Variants in TMEM74 observed in about 807,000 individuals in gnomAD.
The protein encoded by TMEM74 is transmembrane protein 74.
Under a neutral mutation model 18.1 loss-of-function variants are expected in TMEM74, and 13 were observed. The ratio of observed to expected loss-of-function variants is 0.72; its 90% CI spans 0.47 to 1.14. TMEM74 has a LOEUF of 1.14. Among genes scored for constraint, TMEM74 ranks in the 50% most tolerant of loss-of-function variants. The pLI is 0.00. For missense variants in TMEM74, 372 were observed against 375.9 expected, an observed-to-expected ratio of 0.99 and a Z score of 0.09; for synonymous variants, 159 against 146.6, an observed-to-expected ratio of 1.08 and a Z score of -0.61.
At chr8:108,758,485 G>A (rs1464902053) in intron 1 of TMEM74, among the ~76,000 whole-genome samples, 3 of 152,036 alleles carry the variant, frequency 2.0e-5, no homozygotes, top group South Asian at 2.1e-4. Flanking sequence ...GTGCAATCAC[G>A]TTAGTAATGG....
chr8:108,778,260 T>C (rs117040275), downstream of TMEM74, among the ~76,000 whole-genome samples: 265 of 152,326 alleles, frequency 1.7e-3, 2 homozygotes, highest in Admixed American at 5.6e-3. Flanking sequence ...AGTGGGACTA[T>C]ATGACTAGTC....
At chr8:108,724,259 CAT>C (rs1813612276) in intron 1 of TMEM74, among the ~76,000 whole-genome samples, 2 of 152,186 alleles carry the variant, frequency 1.3e-5, no homozygotes, top group African/African-American at 4.8e-5. Context: ...TCCCAAAACA[CAT>C]ATTCTATTCC....
At chr8:108,656,429 G>A (rs1213159246) in intron 1 of TMEM74, among the ~76,000 whole-genome samples, 1 of 152,054 alleles carries the variant, frequency 6.6e-6, no homozygotes, top group Non-Finnish European at 1.5e-5. Flanking sequence ...GATTCAAGAG[G>A]GAAAACCAGG....
chr8:108,658,670 CA>C (rs1300654501), intron 1 of TMEM74, among the ~76,000 whole-genome samples: 1 of 152,106 alleles, frequency 6.6e-6, no homozygotes, highest in Non-Finnish European at 1.5e-5. Context: ...GCTTTGCAGC[CA>C]AGCAAATGCC....
intron 2 of TMEM74, among the ~76,000 whole-genome samples, chr8:108,638,564 TA>T (rs34250538): frequency 0.029 from 3,952 of 137,972 alleles, 112 homozygotes; most frequent in African/African-American, 0.087. Flanking sequence ...TCTCTAGCAT[TA>T]AAAAAAAAAA....
intron 1 of TMEM74, among the ~76,000 whole-genome samples, chr8:108,741,000 C>T (rs1813794790): frequency 1.3e-5 from 2 of 151,978 alleles, no homozygotes; most frequent in African/African-American, 4.8e-5. Flanking sequence ...GAAAATTGCC[C>T]ATCAGTGAAA....
At chr8:108,692,456 T>A (rs538368432) in intron 1 of TMEM74, among the ~76,000 whole-genome samples, 17 of 152,170 alleles carry the variant, frequency 1.1e-4, no homozygotes, top group Non-Finnish European at 2.1e-4. Flanking sequence ...TAACCACCCC[T>A]TACTGGCATT....
chr8:108,633,537 T>C (rs1812576329), intron 2 of TMEM74, among the ~76,000 whole-genome samples: 1 of 152,032 alleles, frequency 6.6e-6, no homozygotes. Context: ...ACATTATCCT[T>C]TTTCACAGGT....
At position 108,784,328 on chromosome 8, in the gene TMEM74, C is replaced by T; in HGVS notation, c.771G>A (p.Gly257=). 8 of 1,614,054 alleles carry T rather than the reference C, an allele frequency of 5.0e-6. No homozygotes were observed. Among genetic ancestry groups the T allele is most frequent in the African/African-American group, 1.3e-5 (1 of 74,978 alleles). ...SCLLMMSMWK[G]ELYRRNRFAS... ...CAAATCTGTTTCGACGATAGAGCTC[C>T]CCCTTCCACATGGACATCATTAACA... Residue 257 remains glycine, a synonymous_variant, in exon 2 of 2, where the codon GGG becomes GGA. Transcript: ENST00000297459.
intron 1 of TMEM74, among the ~76,000 whole-genome samples, chr8:108,765,607 C>T (rs1290373184): frequency 6.6e-6 from 1 of 151,770 alleles, no homozygotes. Context: ...TGGGGTTTCA[C>T]CATGATGGCC....
At position 108,735,693 on chromosome 8, in the gene TMEM74, G is replaced by A. The variant is rs868775625; in HGVS notation, n.119+51783C>T. Among the ~76,000 whole-genome samples the A allele has an allele frequency of 2.6e-5, 4 of 152,046 alleles. No individual in the cohort carries two copies. The South Asian group carries it at 8.3e-4, about 32-fold the overall frequency. ...ACATTCACGTACAAGTTTGTATGTG[G>A]ACATAGGCTTTTCTTTCTCTTGGAG... On this transcript the variant is annotated intron_variant and non_coding_transcript_variant, in intron 1 of 3. Coordinates refer to the TMEM74 transcript ENST00000518838.
At chr8:108,718,340 G>A (rs961334435) in intron 1 of TMEM74, among the ~76,000 whole-genome samples, 5 of 152,086 alleles carry the variant, frequency 3.3e-5, no homozygotes, top group African/African-American at 1.2e-4. Context: ...AATATGCAGT[G>A]TATTAATATA....
intron 2 of TMEM74, among the ~76,000 whole-genome samples, chr8:108,629,103 T>C (rs903738576): frequency 6.6e-6 from 1 of 151,804 alleles, no homozygotes; most frequent in African/African-American, 2.4e-5. Flanking sequence ...CATTCTGATG[T>C]GCTAACTAGA....
intron 1 of TMEM74, among the ~76,000 whole-genome samples, chr8:108,742,074 C>T (rs1388661216): frequency 6.6e-6 from 1 of 152,038 alleles, no homozygotes; most frequent in Non-Finnish European, 1.5e-5. Context: ...CATGTTCTCC[C>T]TTCTAAGTGG....
chr8:108,679,676 A>C (rs1351722810), intron 1 of TMEM74, among the ~76,000 whole-genome samples: 1 of 151,726 alleles, frequency 6.6e-6, no homozygotes, highest in Admixed American at 6.6e-5. Flanking sequence ...GGTTGTGAAA[A>C]TTTTCTCCCA....
At chr8:108,702,974 C>T (rs954079444) in intron 1 of TMEM74, among the ~76,000 whole-genome samples, 1 of 151,120 alleles carries the variant, frequency 6.6e-6, no homozygotes, top group Non-Finnish European at 1.5e-5. Flanking sequence ...AAAAGAGTAT[C>T]AGATCCCTAG....
intron 1 of TMEM74, among the ~76,000 whole-genome samples, chr8:108,760,860 A>G (rs1417848180): frequency 6.6e-6 from 1 of 151,774 alleles, no homozygotes; most frequent in Non-Finnish European, 1.5e-5. Flanking sequence ...GGGAAAAGAG[A>G]TGATTTGTTT....
intron 2 of TMEM74, among the ~76,000 whole-genome samples, chr8:108,635,503 A>T (rs887290058): frequency 6.6e-6 from 1 of 152,086 alleles, no homozygotes; most frequent in African/African-American, 2.4e-5. Flanking sequence ...CTAATTTTTT[A>T]GATGTTATAG....
chr8:108,759,566 G>A (rs1214498664), intron 1 of TMEM74, among the ~76,000 whole-genome samples: 2 of 152,086 alleles, frequency 1.3e-5, no homozygotes, highest in African/African-American at 4.8e-5. Flanking sequence ...TCTAATGGCT[G>A]AGAAGAAAAG....
Sources: allele counts gnomAD v4.1 joint callset (sites outside exome capture counted in the v4.1 genomes callset), GRCh38; gene constraint gnomAD v4.1.1; transcripts MANE v1.5; gene names NCBI Gene and HGNC (gene_info 2026-07-23, HGNC 2026-07-21).